The following CREB5 variants were observed in gnomAD, a reference collection of about 807,000 sequenced individuals.
The protein encoded by CREB5 is cyclic AMP-responsive element-binding protein 5.
Under a neutral mutation model 57.1 loss-of-function variants are expected in CREB5, and 19 were observed. The ratio of observed to expected loss-of-function variants is 0.33; its 90% CI spans 0.23 to 0.49. CREB5 has a LOEUF of 0.49. Among genes scored for constraint, CREB5 ranks in the 20% least tolerant of loss-of-function variants. The pLI, the probability that CREB5 is intolerant of heterozygous loss-of-function variation, is 0.99. For missense variants in CREB5, 579 were observed against 671.6 expected (o/e 0.86, Z 1.52); for synonymous variants, 238 against 238.3 (o/e 1.00, Z 0.01).
chr7:28,697,975 A>G (rs965997342), intron 5 of CREB5, among the ~76,000 whole-genome samples: 1 of 152,216 alleles, frequency 6.6e-6, no homozygotes, highest in African/African-American at 2.4e-5. Context: ...GGCTTTTCAG[A>G]CTTATAAAAA....
intron 7 of CREB5, among the ~76,000 whole-genome samples, chr7:28,782,190 C>T (rs1807027493): frequency 1.3e-5 from 2 of 152,138 alleles, no homozygotes; most frequent in Non-Finnish European, 2.9e-5. Context: ...GCTGGAAATA[C>T]AGTAAGAGTG....
At chr7:28,401,386 A>T (rs1562692645) in intron 1 of CREB5, among the ~76,000 whole-genome samples, 1 of 148,984 alleles carries the variant, frequency 6.7e-6, no homozygotes, top group Non-Finnish European at 1.5e-5. Flanking sequence ...GTCTATTGTT[A>T]TTTTTTTTTT....
At chr7:28,686,539 G>A (rs979431750) in intron 5 of CREB5, among the ~76,000 whole-genome samples, 1 of 151,124 alleles carries the variant, frequency 6.6e-6, no homozygotes, top group East Asian at 2.0e-4. Flanking sequence ...CACAAATAAA[G>A]AGCGAAGCGA....
At chr7:28,452,912 A>G in intron 1 of CREB5, among the ~76,000 whole-genome samples, 1 of 152,222 alleles carries the variant, frequency 6.6e-6, no homozygotes, top group East Asian at 1.9e-4. Flanking sequence ...ACAGTGTTTC[A>G]GTATGCAAAT....
intron 6 of CREB5, among the ~76,000 whole-genome samples, chr7:28,720,271 A>T (rs1041611888): frequency 6.6e-6 from 1 of 152,204 alleles, no homozygotes; most frequent in Admixed American, 6.5e-5. Context: ...CCCCACAACA[A>T]TATTAACAAT....
intron 1 of CREB5, among the ~76,000 whole-genome samples, chr7:28,363,263 G>A (rs1786525624): frequency 1.3e-5 from 2 of 152,076 alleles, no homozygotes; most frequent in South Asian, 4.1e-4. Context: ...CACGAAGCAG[G>A]TGTTCTTGGT....
intron 1 of CREB5, among the ~76,000 whole-genome samples, chr7:28,371,725 C>T (rs1179937042): frequency 6.6e-6 from 1 of 152,166 alleles, no homozygotes; most frequent in African/African-American, 2.4e-5. Flanking sequence ...AGTCCCGCCC[C>T]TTTGTCCCCT....
intron 4 of CREB5, among the ~76,000 whole-genome samples, chr7:28,560,861 T>TGCGCGCGC (rs1358670336): frequency 2.2e-4 from 10 of 45,892 alleles, no homozygotes; most frequent in Middle Eastern, 0.017. Flanking sequence ...TGTGTGTGCG[T>TGCGCGCGC]GTGCCTGCGT....
chr7:28,401,710 G>C (rs1787467940), intron 1 of CREB5, among the ~76,000 whole-genome samples: 1 of 152,142 alleles, frequency 6.6e-6, no homozygotes, highest in Admixed American at 6.5e-5. Flanking sequence ...ATGGTTTCCA[G>C]CTTCATCCAT....
At chr7:28,542,163 C>T (rs999478387) in intron 4 of CREB5, among the ~76,000 whole-genome samples, 24 of 152,276 alleles carry the variant, frequency 1.6e-4, no homozygotes, top group African/African-American at 5.1e-4. Context: ...TCACAACTAC[C>T]GAAGAGTAAG....
intron 2 of CREB5, among the ~76,000 whole-genome samples, chr7:28,493,865 G>A (rs1791908676): frequency 6.6e-6 from 1 of 152,114 alleles, no homozygotes; most frequent in African/African-American, 2.4e-5. Flanking sequence ...AATTTGTCAT[G>A]TTACTCTAAA....
At chr7:28,487,858 G>C (rs1445378314) in intron 1 of CREB5, among the ~76,000 whole-genome samples, 1 of 152,146 alleles carries the variant, frequency 6.6e-6, no homozygotes, top group East Asian at 1.9e-4. Flanking sequence ...CATAGGTGTG[G>C]TCTTTCCTGG....
At chr7:28,811,855 CG>C (rs1401499458) in intron 9 of CREB5, among the ~76,000 whole-genome samples, 3 of 152,072 alleles carry the variant, frequency 2.0e-5, no homozygotes, top group Non-Finnish European at 4.4e-5. Flanking sequence ...TAAATATTAC[CG>C]CAGTGGTTCT....
chr7:28,815,507 A>G (rs533496349), intron 9 of CREB5, among the ~76,000 whole-genome samples: 3 of 152,332 alleles, frequency 2.0e-5, no homozygotes, highest in South Asian at 4.1e-4. Context: ...AGGCCAGGGC[A>G]CCACATGTGC....
At chr7:28,422,882 T>C (rs996317629) in intron 1 of CREB5, among the ~76,000 whole-genome samples, 11 of 152,154 alleles carry the variant, frequency 7.2e-5, no homozygotes, top group Non-Finnish European at 1.5e-4. Flanking sequence ...ACACCTTACA[T>C]TGTTTAGGAG....
chr7:28,695,227 G>C (rs1335733850), intron 5 of CREB5, among the ~76,000 whole-genome samples: 1 of 152,110 alleles, frequency 6.6e-6, no homozygotes, highest in Non-Finnish European at 1.5e-5. Context: ...ACAGGAGGGA[G>C]GGAGGGAAAC....
chr7:28,557,702 GGGAA>G (rs1265692297), intron 4 of CREB5, among the ~76,000 whole-genome samples: 2 of 152,270 alleles, frequency 1.3e-5, no homozygotes, highest in East Asian at 3.9e-4. Context: ...GAAGAGATGA[GGGAA>G]GGAACTGGGG....
intron 1 of CREB5, among the ~76,000 whole-genome samples, chr7:28,379,615 G>A (rs1392109645): frequency 2.0e-5 from 3 of 152,252 alleles, no homozygotes; most frequent in Non-Finnish European, 2.9e-5. Context: ...AAAATCACCT[G>A]GAAACTTTAA....
chr7:28,791,414 A>G lies in CREB5; in HGVS notation c.703-12785A>G, dbSNP rs544572350. ...TTCCCCATCTTGCTCTTTATCATCTACCATCTTTCTTTTAACCAAGAGGCT... is the reference window on the plus strand; with the variant it reads ...TTCCCCATCTTGCTCTTTATCATCTGCCATCTTTCTTTTAACCAAGAGGCT... On this transcript the variant is annotated intron_variant, in intron 7 of 10. Coordinates refer to ENST00000357727, the MANE Select transcript of CREB5 (RefSeq NM_182898.4). Among the ~76,000 whole-genome samples the G allele has an allele frequency of 2.0e-5, 3 of 152,114 alleles. No individual in the cohort carries two copies. In the East Asian group the frequency reaches 5.8e-4, roughly 29 times the overall value.
Sources: allele counts gnomAD v4.1 joint callset (sites outside exome capture counted in the v4.1 genomes callset), GRCh38; gene constraint gnomAD v4.1.1; transcripts MANE v1.5; gene names NCBI Gene and HGNC (gene_info 2026-07-23, HGNC 2026-07-21).